The following PXDN variants were observed in gnomAD, a reference collection of about 807,000 sequenced individuals.
PXDN encodes the protein peroxidasin homolog.
In PXDN, 77 loss-of-function variants were observed where a neutral mutation model predicts 140.3. The observed-to-expected ratio is 0.55, with a 90% CI of 0.46 to 0.66. The LOEUF (loss-of-function observed/expected upper bound fraction) is 0.66, where lower values mean the gene tolerates loss of function less well. PXDN is among the 30% of genes least tolerant of loss of function. The pLI, the probability that PXDN is intolerant of heterozygous loss-of-function variation, is 0.00. For missense variants in PXDN, 1,838 were observed against 2,039.5 expected (o/e 0.90, Z 1.90); for synonymous variants, 911 against 857.4 (o/e 1.06, Z -1.09).
rs7562229 is a variant in PXDN at position 1,684,345 on chromosome 2, A to C, written c.417-194T>G. Reference sequence around the variant, plus strand: ...ATAAATACAACTGAACACTAGGCACAGATGTCCACCCTAGTGACTGGATAA... The same window carrying C: ...ATAAATACAACTGAACACTAGGCACCGATGTCCACCCTAGTGACTGGATAA... On this transcript the variant is annotated intron_variant, in intron 4 of 22. Coordinates refer to ENST00000252804, the MANE Select transcript of PXDN (RefSeq NM_012293.3). Among the ~76,000 whole-genome samples the C allele has an allele frequency of 9.8e-3, 1,490 of 152,310 alleles. 22 individuals are homozygous for C. Among genetic ancestry groups the C allele is most frequent in the African/African-American group, 0.034 (1,428 of 41,578 alleles).
At chr2:1,659,952 T>C (rs1050928010) in intron 14 of PXDN, among the ~76,000 whole-genome samples, 4 of 151,850 alleles carry the variant, frequency 2.6e-5, no homozygotes, top group Non-Finnish European at 5.9e-5. Flanking sequence ...AAGGCAAAAA[T>C]AGAGTCACAG....
Position 1,728,346 on chromosome 2 carries a change from C to A in PXDN, c.200+15910G>T, listed in dbSNP as rs543713264. Among the ~76,000 whole-genome samples the A allele has an allele frequency of 2.6e-5, 4 of 152,374 alleles. No homozygotes were observed. The South Asian group carries it at 8.3e-4, about 32-fold the overall frequency. ...GGCACCTGCTGGCAGGGTCCCTGGGCCCTCAGCACAGAGCCTCTCTCTAGG... is the reference window on the plus strand; with the variant it reads ...GGCACCTGCTGGCAGGGTCCCTGGGACCTCAGCACAGAGCCTCTCTCTAGG... On this transcript the variant is annotated intron_variant, in intron 1 of 22. Transcript: ENST00000252804.
intron 1 of PXDN, among the ~76,000 whole-genome samples, chr2:1,702,274 C>T (rs529931784): frequency 6.6e-6 from 1 of 152,284 alleles, no homozygotes; most frequent in South Asian, 2.1e-4. Context: ...GGGTCCTGCC[C>T]ATCCTCTCCC....
chr2:1,646,537 G>A (rs1424391868), intron 17 of PXDN, among the ~76,000 whole-genome samples: 1 of 152,172 alleles, frequency 6.6e-6, no homozygotes, highest in Non-Finnish European at 1.5e-5. Flanking sequence ...CCAAATGCCA[G>A]TAATTTAAGC....
rs1683975408 is a variant in PXDN, at chr2:1,683,680, T to C, written c.536A>G (p.Asn179Ser). ...RITHLVPGTF[N>S]HLESMKRLRL... ...CAATCTCTTCATAGATTCCAAGTGA[T>C]TAAATGTCCCTGGAACTAAATGTGT... The change falls in exon 6 of 23, where the codon AAT becomes AGT. Residue 179 changes from asparagine (N) to serine (S), a missense_variant. Physicochemically the swap from Asn to Ser is conservative, Grantham distance 46. This residue lies in a region of PXDN where 208 missense variants were observed against 325.8 expected (regional missense o/e 0.64). Transcript: ENST00000252804. 6.2e-7 allele frequency: 1 copy of C among 1,608,130 alleles called. No homozygotes were observed. The highest frequency in any genetic ancestry group is 8.5e-7 in the Non-Finnish European group (1 of 1,177,896).
chr2:1,677,119 T>C, intron 7 of PXDN, 75 bp from the exon 8 acceptor site: 1 of 1,325,628 alleles, frequency 7.5e-7, no homozygotes, highest in East Asian at 2.5e-5. Flanking sequence ...ACACGCTGAG[T>C]TCTCTGTGTC....
intron 1 of PXDN, among the ~76,000 whole-genome samples, chr2:1,713,976 C>G (rs756181245): frequency 6.6e-6 from 1 of 152,218 alleles, no homozygotes; most frequent in African/African-American, 2.4e-5. Context: ...GGGCCAGGCA[C>G]GTGGGTCTCA....
At chr2:1,721,952 A>G (rs576606052) in intron 1 of PXDN, among the ~76,000 whole-genome samples, 6 of 151,412 alleles carry the variant, frequency 4.0e-5, no homozygotes, top group African/African-American at 1.5e-4. Context: ...GATCTAACCT[A>G]GGGGAATTCC....
rs969822915 is a variant in PXDN at position 1,744,389 on chromosome 2, C to T, written c.67G>A (p.Gly23Arg). The T allele has an allele frequency of 1.3e-6, 2 of 1,526,208 alleles. No individual in the cohort carries two copies. Among genetic ancestry groups the T allele is most frequent in the East Asian group, 2.5e-5 (1 of 39,902 alleles). 94.5% of individuals were successfully genotyped at this position (1,526,208 alleles called of 1,614,324 possible). The change falls in exon 1 of 23, where the codon GGG (glycine) becomes AGG (arginine). Residue 23 changes from glycine (G) to arginine (R), a missense_variant. Gly to Arg is a moderately radical substitution (Grantham distance 125, BLOSUM62 -2). This residue lies in a region of PXDN where 231 missense variants were observed against 201.5 expected (regional missense o/e 1.15). Coordinates refer to ENST00000252804, the MANE Select transcript of PXDN (RefSeq NM_012293.3). ...LLALVLFCAW[G>R]TLAVVAQKPG... is the part of the protein sequence containing the mutation. ...TTCTGGGCCACCACGGCCAGCGTCC[C>T]CCAGGCGCAGAACAGCACGAGCGCC... is the stretch of plus-strand genomic sequence containing the variant.
At chr2:1,739,669 C>T (rs1685496184) in intron 1 of PXDN, among the ~76,000 whole-genome samples, 2 of 152,152 alleles carry the variant, frequency 1.3e-5, no homozygotes, top group South Asian at 2.1e-4. Flanking sequence ...AAGGTCCCAA[C>T]ACACACTGTC....
At chr2:1,684,578 A>C (rs1017046227) in intron 4 of PXDN, among the ~76,000 whole-genome samples, 2 of 152,246 alleles carry the variant, frequency 1.3e-5, no homozygotes, top group Non-Finnish European at 2.9e-5. Flanking sequence ...TGGCAGGGGC[A>C]TCATCATATA....
chr2:1,673,621 G>C (rs1683628066), intron 9 of PXDN, 22 bp downstream of exon 9: 1 of 1,596,394 alleles, frequency 6.3e-7, no homozygotes, highest in East Asian at 2.2e-5. Context: ...TGGAACCCCG[G>C]TGTGAAATGC....
intron 1 of PXDN, among the ~76,000 whole-genome samples, chr2:1,715,883 C>T (rs139906371): frequency 0.016 from 2,385 of 152,272 alleles, 37 homozygotes; most frequent in Admixed American, 0.039. Flanking sequence ...TTTTTTCCAG[C>T]AAACAATACA....
At chr2:1,644,436 A>T (rs1682803933) in intron 18 of PXDN, among the ~76,000 whole-genome samples, 182 bp downstream of exon 18, 1 of 152,198 alleles carries the variant, frequency 6.6e-6, no homozygotes, top group African/African-American at 2.4e-5. Context: ...AGGACATGTA[A>T]GCCCAAGGCG....
In PXDN at chr2:1,719,412, C is replaced by G. The variant is rs538695971; in HGVS notation, c.200+24844G>C. On this transcript the variant is annotated intron_variant, in intron 1 of 22. Transcript: ENST00000252804. ...AGCACGAATCCTTACATAAACCACA[C>G]AAAGCCTGTGTGCCTTGAGGGTACA... Among the ~76,000 whole-genome samples the G allele has an allele frequency of 3.3e-3, 506 of 152,344 alleles. 4 individuals carry two copies. The highest frequency in any genetic ancestry group is 0.011 in the African/African-American group (472 of 41,582).
intron 1 of PXDN, among the ~76,000 whole-genome samples, chr2:1,709,337 A>T (rs1684698112): frequency 6.6e-6 from 1 of 152,154 alleles, no homozygotes; most frequent in Admixed American, 6.5e-5. Flanking sequence ...AGAGGGCCCC[A>T]GAGTGCGGGT....
intron 6 of PXDN, among the ~76,000 whole-genome samples, chr2:1,681,522 C>T (rs1572155090): frequency 6.6e-6 from 1 of 151,282 alleles, no homozygotes; most frequent in East Asian, 2.0e-4. Context: ...CTCACCAGGG[C>T]GGCAGCGTGA....
At position 1,651,456 on chromosome 2, in the gene PXDN, T is replaced by C. The variant is rs1236450459; in HGVS notation, c.2105-1781A>G. On this transcript the variant is annotated intron_variant, in intron 16 of 22. Transcript: ENST00000252804. This position sits in a 1 kb window ranked among gnomAD's most constrained non-coding sequence, Gnocchi z 4.4. ...CGATGCTTGAAAATGCATCAAACCA[T>C]GTTGCTTCTCTGCAGGAAACCCTAA... Among the ~76,000 whole-genome samples, 1 of 152,150 alleles carries C rather than the reference T, an allele frequency of 6.6e-6. No individual in the cohort carries two copies. Among genetic ancestry groups the C allele is most frequent in the Non-Finnish European group, 1.5e-5 (1 of 68,016 alleles).
chr2:1,639,543 T>C lies in PXDN; in HGVS notation c.3953-121A>G. 1 of 1,437,870 alleles carries C rather than the reference T, an allele frequency of 7.0e-7. No individual in the cohort carries two copies. The highest frequency in any genetic ancestry group is 1.3e-5 in the South Asian group (1 of 79,002). 89.1% of individuals were successfully genotyped at this position (1,437,870 alleles called of 1,614,324 possible). A position where few individuals can be genotyped will look rare whatever the true frequency, so the allele number is the denominator to read the frequency against. On this transcript the variant is annotated intron_variant, in intron 19 of 22. Coordinates refer to ENST00000252804, the MANE Select transcript of PXDN (RefSeq NM_012293.3). This position sits in a 1 kb window ranked among gnomAD's most constrained non-coding sequence, Gnocchi z 5.0. ...CCCGTGGAACAAACTGTGGCACATTTCAGTGAGGCAACCTGGCAGCTGGTC... is the reference window on the plus strand; with the variant it reads ...CCCGTGGAACAAACTGTGGCACATTCCAGTGAGGCAACCTGGCAGCTGGTC...
Sources: gnomAD v4.1 joint callset for allele counts (sites outside exome capture counted in the v4.1 genomes callset) on GRCh38, gnomAD v4.1.1 for gene constraint, gnomAD v4.1.1 regional missense constraint, Gnocchi (gnomAD v3.1) non-coding constraint, MANE v1.5 for transcripts, NCBI Gene and HGNC (gene_info 2026-07-23, HGNC 2026-07-21) for gene names.